ZNF609: variants seen among roughly 807,000 people sequenced by gnomAD.
ZNF609 encodes zinc finger protein 609.
In ZNF609, 11 loss-of-function variants were observed where a neutral mutation model predicts 109.5. That is an observed-to-expected ratio of 0.10 (90% CI 0.06 to 0.17). ZNF609 has a LOEUF of 0.17. Among genes scored for constraint, ZNF609 ranks in the 10% least tolerant of loss-of-function variants. The pLI is 1.00. For missense variants in ZNF609, 1,559 were observed against 1,772.4 expected, an observed-to-expected ratio of 0.88 and a Z score of 2.16; for synonymous variants, 646 against 662.0, an observed-to-expected ratio of 0.98 and a Z score of 0.37.
rs190945971 is a variant in ZNF609, at chr15:64,553,659, C to T, written c.747+53493C>T. 7.4e-3 allele frequency among the ~76,000 whole-genome samples: 1,116 copies of T among 151,424 alleles called. 14 individuals are homozygous for T. Among genetic ancestry groups the T allele is most frequent in the African/African-American group, 0.026 (1,054 of 41,252 alleles). Reference sequence around the variant, plus strand: ...TGTTGCCCAGGCTGGAGTGCAGTGGCGCAATCTTGGCTCACTGCAAGCTCC... The same window carrying T: ...TGTTGCCCAGGCTGGAGTGCAGTGGTGCAATCTTGGCTCACTGCAAGCTCC... On this transcript the variant is annotated intron_variant, in intron 2 of 9. Transcript: ENST00000326648.
rs1350654184 is a variant in ZNF609, at chr15:64,676,309, TC to T, written c.3402+55del. ...AATACCGTATGGTAATCGTCTATCTTCCTCACAAATAAGGGCTGTCCTTATA... is the reference window on the plus strand; with the variant it reads ...AATACCGTATGGTAATCGTCTATCTTCTCACAAATAAGGGCTGTCCTTATA... On this transcript the variant is annotated intron_variant, in intron 5 of 9. Transcript: ENST00000326648. The T allele has an allele frequency of 2.2e-5, 34 of 1,516,728 alleles. No homozygotes were observed. The East Asian group carries it at 7.0e-4, about 31-fold the overall frequency. 94.0% of individuals were successfully genotyped at this position (1,516,728 alleles called of 1,614,324 possible).
chr15:64,625,420 T>C (rs1217003171), intron 3 of ZNF609, among the ~76,000 whole-genome samples: 2 of 151,932 alleles, frequency 1.3e-5, no homozygotes, highest in African/African-American at 4.8e-5. Context: ...CTTGGGAGGC[T>C]GAGGCAGGAT....
chr15:64,570,278 A>T (rs1894840446), intron 2 of ZNF609, among the ~76,000 whole-genome samples: 1 of 152,220 alleles, frequency 6.6e-6, no homozygotes, highest in Admixed American at 6.5e-5. Context: ...AATCTGACTT[A>T]TATCTTCCAC....
intron 1 of ZNF609, among the ~76,000 whole-genome samples, chr15:64,471,728 C>G (rs974939406): frequency 1.3e-5 from 2 of 151,268 alleles, no homozygotes. Context: ...GCATTACAGG[C>G]ATGCGGCACC....
Position 64,680,649 on chromosome 15 carries a change from A to G in ZNF609, c.3949A>G (p.Ser1317Gly). Residue 1317 changes from serine to glycine, a missense_variant, in exon 8 of 10, where the codon AGT (serine) becomes GGT (glycine). Transcript: ENST00000326648. ...GTGTCTCTGGTTTCCTTTCCAGATA[A>G]GTGATAAAACTTCTCAGGAGAGAGA... ...SHYKSKSPTI[S>G]DKTSQERDRG... 6.3e-7 allele frequency: 1 copy of G among 1,583,160 alleles called. No homozygotes were observed. Among genetic ancestry groups the G allele is most frequent in the South Asian group, 1.2e-5 (1 of 86,566 alleles).
In ZNF609 at chr15:64,500,041, G is replaced by C. The variant is rs373809078; in HGVS notation, c.622G>C (p.Ala208Pro). 2.0e-5 allele frequency: 33 copies of C among 1,614,200 alleles called. No individual in the cohort carries two copies. In the African/African-American group the frequency reaches 3.6e-4, roughly 18 times the overall value. Residue 208 changes from alanine to proline, a missense_variant, in exon 2 of 10, where the codon GCT (alanine) becomes CCT (proline). Ala to Pro is a conservative substitution (Grantham distance 27, BLOSUM62 -1). This residue lies in a region of ZNF609 where 291 missense variants were observed against 317.8 expected (regional missense o/e 0.92). Transcript: ENST00000326648. ...YDGSAGVDTG[A>P]VEPLGSIAIE... Reference sequence around the variant, plus strand: ...TGGAAGTGCAGGGGTGGATACAGGAGCTGTGGAGCCACTTGGGAGTATAGC... The same window carrying C: ...TGGAAGTGCAGGGGTGGATACAGGACCTGTGGAGCCACTTGGGAGTATAGC...
chr15:64,543,061 A>G (rs1262710169), intron 2 of ZNF609, among the ~76,000 whole-genome samples: 3 of 152,174 alleles, frequency 2.0e-5, no homozygotes, highest in African/African-American at 7.2e-5. Context: ...TAAAACCTAG[A>G]TGACGGGTTG....
chr15:64,675,092 C>T lies in ZNF609; in HGVS notation c.2238C>T (p.Thr746=). 1 of 1,614,102 alleles carries T rather than the reference C, an allele frequency of 6.2e-7. No individual in the cohort carries two copies. Among genetic ancestry groups the T allele is most frequent in the Non-Finnish European group, 8.5e-7 (1 of 1,180,026 alleles). Residue 746 remains threonine (T), a synonymous_variant, in exon 5 of 10, where the codon ACC becomes ACT. Transcript: ENST00000326648. The part of the protein sequence containing the change: ...ESSKELESPL[T]PGKVCRAEEG... ...CAAAGGAACTTGAAAGTCCTCTGAC[C>T]CCTGGGAAGGTGTGTCGAGCAGAGG... is the stretch of plus-strand genomic sequence containing the variant.
At chr15:64,502,900 C>G (rs1174487122) in intron 2 of ZNF609, 1 of 152,034 alleles carries the variant, frequency 6.6e-6, no homozygotes, top group East Asian at 1.9e-4. Flanking sequence ...AACCCTGTCT[C>G]TACAAAAATT....
chr15:64,591,247 G>C (rs1267038463), intron 2 of ZNF609, among the ~76,000 whole-genome samples: 1 of 152,224 alleles, frequency 6.6e-6, no homozygotes, highest in South Asian at 2.1e-4. Context: ...GGCCAACATG[G>C]TGAAACCCCG....
chr15:64,511,840 G>C (rs1050142599), intron 2 of ZNF609, among the ~76,000 whole-genome samples: 6 of 151,022 alleles, frequency 4.0e-5, no homozygotes, highest in African/African-American at 1.5e-4. Context: ...TCAGCCTCTC[G>C]AGTAGCTGGG....
chr15:64,569,722 AT>A (rs1450335512), intron 2 of ZNF609, among the ~76,000 whole-genome samples: 2 of 152,274 alleles, frequency 1.3e-5, no homozygotes, highest in Non-Finnish European at 2.9e-5. Context: ...CTGAACAGAA[AT>A]TTGTTGTTCA....
chr15:64,565,271 G>A (rs1005973601), intron 2 of ZNF609, among the ~76,000 whole-genome samples: 2 of 43,048 alleles, frequency 4.6e-5, no homozygotes, highest in Non-Finnish European at 1.0e-4. Flanking sequence ...AGTAGAGACG[G>A]AGTTTCACCA....
intron 2 of ZNF609, among the ~76,000 whole-genome samples, chr15:64,503,894 G>T (rs935595369): frequency 6.6e-6 from 1 of 152,208 alleles, no homozygotes; most frequent in Non-Finnish European, 1.5e-5. Flanking sequence ...ATCATATCCT[G>T]TGTTCTTAAG....
At chr15:64,539,631 G>T (rs1202825014) in intron 2 of ZNF609, among the ~76,000 whole-genome samples, 1 of 152,184 alleles carries the variant, frequency 6.6e-6, no homozygotes, top group Non-Finnish European at 1.5e-5. Context: ...AGCCTTCGGA[G>T]TAGCTGGGAT....
chr15:64,543,725 T>C (rs1876752639), intron 2 of ZNF609, among the ~76,000 whole-genome samples: 1 of 152,216 alleles, frequency 6.6e-6, no homozygotes, highest in South Asian at 2.1e-4. Flanking sequence ...ATTACAGGCG[T>C]AAGCCACCAC....
At chr15:64,650,231 C>T (rs1358980278) in intron 3 of ZNF609, among the ~76,000 whole-genome samples, 3 of 151,364 alleles carry the variant, frequency 2.0e-5, no homozygotes, top group Non-Finnish European at 4.4e-5. Context: ...CAGTGAAACC[C>T]CCTGTCTCTA....
At chr15:64,626,468 C>A (rs1440654142) in intron 3 of ZNF609, among the ~76,000 whole-genome samples, 1 of 151,798 alleles carries the variant, frequency 6.6e-6, no homozygotes, top group African/African-American at 2.4e-5. Flanking sequence ...TTTTTTTCTG[C>A]CTCTCGACAT....
At chr15:64,471,484 T>A (rs928837812) in intron 1 of ZNF609, 1 of 152,218 alleles carries the variant, frequency 6.6e-6, no homozygotes, top group Non-Finnish European at 1.5e-5. Context: ...TATAGCACAT[T>A]ACTAATTTTT....
Sources: gnomAD v4.1 joint callset for allele counts (sites outside exome capture counted in the v4.1 genomes callset) on GRCh38, gnomAD v4.1.1 for gene constraint, gnomAD v4.1.1 regional missense constraint, MANE v1.5 for transcripts, NCBI Gene and HGNC (gene_info 2026-07-23, HGNC 2026-07-21) for gene names.